The following VSIG4 variants were observed in gnomAD, a reference collection of about 807,000 sequenced individuals.
VSIG4 encodes V-set and immunoglobulin domain-containing protein 4.
Under a neutral mutation model 23.4 loss-of-function variants are expected in VSIG4, and 34 were observed. The ratio of observed to expected loss-of-function variants is 1.45; its 90% CI spans 1.10 to 1.93. The LOEUF is 1.93. Among genes scored for constraint, VSIG4 ranks in the 30% most tolerant of loss-of-function variants. VSIG4 has a pLI of 0.00. For missense variants in VSIG4, 433 were observed against 310.8 expected (o/e 1.39, Z -2.96); for synonymous variants, 169 against 120.3 (o/e 1.41, Z -2.65).
At position 66,040,070 on chromosome X, in the gene VSIG4, C is replaced by T; in HGVS notation, c.-72G>A. The T allele has an allele frequency of 9.0e-7, 1 of 1,108,867 alleles. No homozygotes were observed. Among genetic ancestry groups the T allele is most frequent in the East Asian group, 3.0e-5 (1 of 32,988 alleles). 91.4% of individuals were successfully genotyped at this position (1,108,867 alleles called of 1,213,427 possible). ...AAGAGGCTCAAACTTCTGGTGGCCG[C>T]CAGCGTCTGTGACTGCTTACTTCCC... is the stretch of plus-strand genomic sequence containing the variant. On this transcript the variant is annotated 5_prime_UTR_variant, in exon 1 of 8. Transcript: ENST00000374737.
At position 66,033,362 on chromosome X, in the gene VSIG4, G is replaced by A. The variant is rs762895692; in HGVS notation, c.412+112C>T. ...CTTCCTCTGATAAGCACATATACCT[G>A]TGGAGAGCCTCTGTATAAACGAAGG... On this transcript the variant is annotated intron_variant, in intron 2 of 7. Transcript: ENST00000374737. 8 of 651,808 alleles carry A rather than the reference G, an allele frequency of 1.2e-5. No homozygotes were observed. In the Admixed American group the frequency reaches 2.1e-4, roughly 17 times the overall value. 53.7% of individuals were successfully genotyped at this position (651,808 alleles called of 1,213,427 possible). A position where few individuals can be genotyped will look rare whatever the true frequency, so the allele number is the denominator to read the frequency against.
intron 1 of VSIG4, among the ~76,000 whole-genome samples, chrX:66,038,467 G>GCTCT (rs747112398): frequency 1.1e-5 from 1 of 93,971 alleles, no homozygotes; most frequent in Non-Finnish European, 2.0e-5. Flanking sequence ...ACACATGAGT[G>GCTCT]CTCTCTCTCT....
At chrX:66,036,490 G>A (rs937302960) in intron 1 of VSIG4, among the ~76,000 whole-genome samples, 1 of 101,333 alleles carries the variant, frequency 9.9e-6, no homozygotes, top group Non-Finnish European at 2.0e-5. Context: ...CGCAAGGTCT[G>A]CCTTACCACA....
chrX:66,027,049 A>G (rs2085400129), intron 5 of VSIG4, among the ~76,000 whole-genome samples: 1 of 111,674 alleles, frequency 9.0e-6, no homozygotes. Context: ...AGGAATCAGA[A>G]ATCAGCTTCA....
intron 1 of VSIG4, among the ~76,000 whole-genome samples, chrX:66,037,554 T>G (rs1185272225): frequency 1.6e-4 from 5 of 31,878 alleles, no homozygotes; most frequent in Admixed American, 9.9e-4. Context: ...TATATTATAT[T>G]ATATATTTAT....
At position 66,037,683 on chromosome X, in the gene VSIG4, A is replaced by C. The variant is rs1330030728; in HGVS notation, c.55+2261T>G. Among the ~76,000 whole-genome samples the C allele has an allele frequency of 3.4e-5, 3 of 87,008 alleles. No homozygotes were observed. The Admixed American group carries it at 4.6e-4, about 13-fold the overall frequency. 75.6% of individuals were successfully genotyped at this position (87,008 alleles called of 115,157 possible). A position where few individuals can be genotyped will look rare whatever the true frequency, so the allele number is the denominator to read the frequency against. On this transcript the variant is annotated intron_variant, in intron 1 of 7. Coordinates refer to ENST00000374737, the MANE Select transcript of VSIG4 (RefSeq NM_007268.3). ...GATAATTACTTATATATAATATATAACATTATATTATATTATACTTATTAC... is the reference window on the plus strand; with the variant it reads ...GATAATTACTTATATATAATATATACCATTATATTATATTATACTTATTAC...
intron 3 of VSIG4, among the ~76,000 whole-genome samples, chrX:66,030,296 G>A (rs191226250): frequency 9.0e-6 from 1 of 111,684 alleles, no homozygotes; most frequent in African/African-American, 3.3e-5. Context: ...GAGAGGTTCA[G>A]CTGGTGGAAG....
chrX:66,030,762 G>A (rs1016057020), intron 3 of VSIG4, among the ~76,000 whole-genome samples: 8 of 111,703 alleles, frequency 7.2e-5, no homozygotes, highest in Admixed American at 2.9e-4. Flanking sequence ...ATAGACACAC[G>A]GCATGGGGTC....
chrX:66,030,840 G>T (rs778484487), intron 3 of VSIG4, among the ~76,000 whole-genome samples: 1 of 111,462 alleles, frequency 9.0e-6, no homozygotes, highest in Non-Finnish European at 1.9e-5. Context: ...TGTTTTGTTC[G>T]TCAGCAAAGC....
At chrX:66,032,381 T>G (rs746356066) in intron 3 of VSIG4, 87 bp downstream of exon 3, 1 of 1,093,358 alleles carries the variant, frequency 9.1e-7, no homozygotes, top group Non-Finnish European at 1.2e-6. Flanking sequence ...CCTCTCCCAA[T>G]TCTTCTTTTG....
chrX:66,036,774 ATAT>A (rs2085557407), intron 1 of VSIG4, among the ~76,000 whole-genome samples: 2 of 41,090 alleles, frequency 4.9e-5, no homozygotes, highest in Admixed American at 9.8e-4. Context: ...AATATATATT[ATAT>A]TATATTATAT....
At chrX:66,038,432 G>A (rs1027734566) in intron 1 of VSIG4, among the ~76,000 whole-genome samples, 1 of 110,192 alleles carries the variant, frequency 9.1e-6, no homozygotes, top group African/African-American at 3.3e-5. Context: ...GTCTGGAAAA[G>A]CTCATAGGCT....
chrX:66,027,948 G>C, intron 4 of VSIG4, 102 bp downstream of exon 4: 1 of 762,671 alleles, frequency 1.3e-6, no homozygotes, highest in Non-Finnish European at 2.0e-6. Flanking sequence ...GAGGAACCAA[G>C]TGACTGTTTA....
chrX:66,024,018 T>C (rs2085362128), intron 6 of VSIG4, among the ~76,000 whole-genome samples: 1 of 112,311 alleles, frequency 8.9e-6, no homozygotes, highest in Non-Finnish European at 1.9e-5. Flanking sequence ...GAGCTTATAA[T>C]TGAAACCTGG....
chrX:66,024,664 C>T (rs1291123969), intron 6 of VSIG4, among the ~76,000 whole-genome samples: 1 of 111,857 alleles, frequency 8.9e-6, no homozygotes, highest in Non-Finnish European at 1.9e-5. Flanking sequence ...GAGCTCATAG[C>T]CTCTATTGCT....
In VSIG4 at chrX:66,033,518, T is replaced by C; in HGVS notation, c.368A>G (p.Asn123Ser). Residue 123 changes from asparagine to serine, a missense_variant, in exon 2 of 8, where the codon AAC (asparagine) becomes AGC (serine). By Grantham distance (46) the Asn-to-Ser change is conservative. Transcript: ENST00000374737. ...CEVTWQTPDG[N>S]QVVRDKITEL... ...AGTAATCTTATCTCTCACGACTTGG[T>C]TGCCATCAGGAGTCTGCCAGGTGAC... 1 of 1,211,237 alleles carries C rather than the reference T, an allele frequency of 8.3e-7. No homozygotes were observed. Among genetic ancestry groups the C allele is most frequent in the Non-Finnish European group, 1.1e-6 (1 of 895,203 alleles).
Position 66,037,362 on chromosome X carries a change from A to G in VSIG4, c.55+2582T>C, listed in dbSNP as rs1458796218. On this transcript the variant is annotated intron_variant, in intron 1 of 7. Coordinates refer to ENST00000374737, the MANE Select transcript of VSIG4 (RefSeq NM_007268.3). ...TAATATAATATATAATATATATTAT[A>G]TAATAATATAATATAATATATAATA... Among the ~76,000 whole-genome samples, 14 of 26,400 alleles carry G rather than the reference A, an allele frequency of 5.3e-4. No individual in the cohort carries two copies. In the East Asian group the frequency reaches 7.4e-3, roughly 14 times the overall value. The allele number at this position is 26,400 out of a possible 115,157, so 22.9% of individuals were successfully genotyped here.
intron 6 of VSIG4, among the ~76,000 whole-genome samples, chrX:66,023,538 T>C (rs746926299): frequency 8.9e-6 from 1 of 112,799 alleles, no homozygotes; most frequent in Non-Finnish European, 1.9e-5. Flanking sequence ...TTCTGCCTTA[T>C]GGTAGAGCCC....
intron 1 of VSIG4, among the ~76,000 whole-genome samples, chrX:66,038,351 C>A (rs2085643808): frequency 9.1e-6 from 1 of 110,162 alleles, no homozygotes; most frequent in East Asian, 2.9e-4. Flanking sequence ...GTATTATTTG[C>A]AGCTCAGCAT....
Sources: allele counts gnomAD v4.1 joint callset (sites outside exome capture counted in the v4.1 genomes callset), GRCh38; gene constraint gnomAD v4.1.1; transcripts MANE v1.5; gene names NCBI Gene and HGNC (gene_info 2026-07-23, HGNC 2026-07-21).